Variants in FBN2 observed in about 807,000 individuals in gnomAD.
FBN2 encodes the protein fibrillin 2, also known as fibrillin-2.
In FBN2, 105 loss-of-function variants were observed where a neutral mutation model predicts 355.6. The observed-to-expected ratio is 0.30, with a 90% confidence interval of 0.25 to 0.35. The LOEUF is 0.35. Ranked by LOEUF, FBN2 falls within the 10% of genes least tolerant of loss-of-function variation. The pLI, the probability that FBN2 is intolerant of heterozygous loss-of-function variation, is 1.00. For synonymous variants in FBN2, 1,350 were observed against 1,301.2 expected (o/e 1.04, Z -0.81); for missense variants, 3,280 against 3,758.7 (o/e 0.87, Z 3.33).
At chr5:128,502,618 T>C (rs1399080928) in intron 5 of FBN2, among the ~76,000 whole-genome samples, 1 of 152,142 alleles carries the variant, frequency 6.6e-6, no homozygotes, top group Non-Finnish European at 1.5e-5. Context: ...AAAGATATCA[T>C]ACTTACTCCC....
At chr5:128,446,726 G>T in intron 6 of FBN2, 120 bp from the exon 7 acceptor site, 1 of 1,060,750 alleles carries the variant, frequency 9.4e-7, no homozygotes, top group Non-Finnish European at 1.4e-6. Flanking sequence ...TCTCAAGAGA[G>T]TGGGGTTAGA....
intron 23 of FBN2, 44 bp downstream of exon 23, chr5:128,349,303 A>G (rs1210148906): frequency 3.1e-6 from 5 of 1,612,684 alleles, no homozygotes; most frequent in East Asian, 2.2e-5. Context: ...AAGGAAATTC[A>G]TGGCTTGTTT....
chr5:128,499,406 A>G (rs1755743376), intron 5 of FBN2, among the ~76,000 whole-genome samples: 1 of 152,158 alleles, frequency 6.6e-6, no homozygotes, highest in Admixed American at 6.5e-5. Flanking sequence ...ACTTCACCTT[A>G]TAGCACAATT....
intron 48 of FBN2, among the ~76,000 whole-genome samples, chr5:128,297,553 C>A (rs536572224): frequency 6.6e-6 from 1 of 152,146 alleles, no homozygotes; most frequent in Non-Finnish European, 1.5e-5. Flanking sequence ...TAGGACAGTT[C>A]ACTCTTCTTG....
At position 128,536,485 on chromosome 5, in the gene FBN2, C is replaced by T. The variant is rs1756850281; in HGVS notation, c.255-1G>A. ...GAATCTGGAGCCGCACACGTTGGGC[C>T]TGTGATGGACAAGCGCGGTCACGTA... is the stretch of plus-strand genomic sequence containing the variant. On this transcript the variant is annotated splice_acceptor_variant, in intron 1 of 64. Transcript: ENST00000262464. LOFTEE classifies it high-confidence loss of function. 1 of 1,613,222 alleles carries T rather than the reference C, an allele frequency of 6.2e-7. No homozygotes were observed. Among genetic ancestry groups the T allele is most frequent in the African/African-American group, 1.3e-5 (1 of 74,928 alleles).
rs1021285224 is a variant in FBN2, at chr5:128,270,370, A to G, written c.7960+1629T>C. Among the ~76,000 whole-genome samples, 15 of 152,220 alleles carry G rather than the reference A, an allele frequency of 9.9e-5. No individual in the cohort carries two copies. In the East Asian group the frequency reaches 2.3e-3, roughly 24 times the overall value. The stretch of plus-strand genomic sequence containing the variant: ...TGGTGAAACCCCGTTTCTACTAAAA[A>G]TACAAAAAATGAGCCGGGCATGGTG... On this transcript the variant is annotated intron_variant, in intron 62 of 64. Coordinates refer to ENST00000262464, the MANE Select transcript of FBN2 (RefSeq NM_001999.4).
rs370804151 is a variant in FBN2, at chr5:128,286,744, C to T, written c.6986G>A (p.Arg2329Gln). The change falls in exon 55 of 65, where the codon CGA (arginine) becomes CAA (glutamine). Residue 2329 changes from arginine (R) to glutamine (Q), a missense_variant. Coordinates refer to ENST00000262464, the MANE Select transcript of FBN2 (RefSeq NM_001999.4). ...FMCICPPGMA[R>Q]RPDGEGCVDE... ...TACACAGCCTTCTCCATCGGGCCTT[C>T]GGGCCATTCCAGGAGGGCAGATGCA... The T allele has an allele frequency of 7.8e-5, 126 of 1,614,140 alleles. No homozygotes were observed. Among genetic ancestry groups the T allele is most frequent in the South Asian group, 7.8e-4 (71 of 91,084 alleles).
intron 5 of FBN2, among the ~76,000 whole-genome samples, chr5:128,513,957 G>A (rs1756204384): frequency 6.6e-6 from 1 of 151,966 alleles, no homozygotes; most frequent in African/African-American, 2.4e-5. Context: ...GCCCATTTAA[G>A]GCTAAGTTTA....
chr5:128,502,588 G>A (rs1023101734), intron 5 of FBN2, among the ~76,000 whole-genome samples: 1 of 112,036 alleles, frequency 8.9e-6, no homozygotes, highest in African/African-American at 6.2e-5. Context: ...CTATAGGTGA[G>A]GTGAAAAAAA....
chr5:128,437,642 CAAT>C (rs1460529048), intron 7 of FBN2, among the ~76,000 whole-genome samples: 3 of 151,314 alleles, frequency 2.0e-5, no homozygotes, highest in African/African-American at 4.9e-5. Context: ...GGTCATGGAT[CAAT>C]AATAATAAGA....
intron 6 of FBN2, among the ~76,000 whole-genome samples, chr5:128,455,719 C>G (rs1426504927): frequency 1.3e-5 from 2 of 151,920 alleles, no homozygotes; most frequent in Non-Finnish European, 2.9e-5. Context: ...AACCCCCTCC[C>G]CGCAGCTAAG....
intron 11 of FBN2, among the ~76,000 whole-genome samples, chr5:128,381,181 AG>A (rs1303064582): frequency 6.6e-6 from 1 of 152,134 alleles, no homozygotes; most frequent in Non-Finnish European, 1.5e-5. Flanking sequence ...TGCTAACAGC[AG>A]TTTGACTTAT....
intron 48 of FBN2, among the ~76,000 whole-genome samples, chr5:128,296,551 C>G (rs1234152816): frequency 6.6e-6 from 1 of 152,034 alleles, no homozygotes; most frequent in Non-Finnish European, 1.5e-5. Context: ...CAACTTCTTC[C>G]TGGTTTAGTC....
Position 128,338,104 on chromosome 5 carries a change from C to T in FBN2, c.3491G>A (p.Arg1164His), listed in dbSNP as rs1297011367. The T allele has an allele frequency of 1.9e-5, 30 of 1,613,874 alleles. No homozygotes were observed. The highest frequency in any genetic ancestry group is 2.2e-5 in the East Asian group (1 of 44,888). Residue 1164 changes from arginine to histidine, a missense_variant, in exon 27 of 65, where the codon CGT (arginine) becomes CAT (histidine). Arg to His is a conservative substitution (Grantham distance 29). Around this residue, in one of 6 missense-constraint regions of FBN2, gnomAD observed 2,284 missense variants for 2,749.5 expected, o/e 0.83. Coordinates refer to ENST00000262464, the MANE Select transcript of FBN2 (RefSeq NM_001999.4). ...GCCACCCCTACAAAGGAGAGGGTTA[C>T]GTTCACATTCGTCAATGTCTGAAAG... The part of the protein sequence containing the change: ...KNCMDIDECE[R>H]NPLLCRGGTC...
chr5:128,372,813 G>C (rs1019400038), intron 15 of FBN2, among the ~76,000 whole-genome samples: 33 of 152,066 alleles, frequency 2.2e-4, no homozygotes, highest in African/African-American at 8.0e-4. Flanking sequence ...TTTTTGCAGA[G>C]ATAGGGTTTT....
At chr5:128,352,677 C>T (rs1751399633) in intron 20 of FBN2, among the ~76,000 whole-genome samples, 1 of 152,090 alleles carries the variant, frequency 6.6e-6, no homozygotes, top group Non-Finnish European at 1.5e-5. Context: ...TGTTAAAATG[C>T]CGATTCATAA....
intron 48 of FBN2, among the ~76,000 whole-genome samples, chr5:128,295,773 C>T (rs557698180): frequency 2.2e-5 from 3 of 134,774 alleles, no homozygotes; most frequent in Admixed American, 7.5e-5. Context: ...ACAATCATGT[C>T]GTCTGCAAAC....
At chr5:128,352,183 T>G (rs1006625614) in intron 20 of FBN2, among the ~76,000 whole-genome samples, 4 of 151,846 alleles carry the variant, frequency 2.6e-5, no homozygotes, top group South Asian at 4.1e-4. Context: ...GGCTAATATC[T>G]GATGTATTTT....
intron 2 of FBN2, among the ~76,000 whole-genome samples, chr5:128,531,224 C>T (rs953313954): frequency 2.6e-5 from 4 of 151,862 alleles, no homozygotes; most frequent in Middle Eastern, 3.4e-3. Flanking sequence ...GAATACTATG[C>T]GGCCATAAAA....
Sources: allele counts gnomAD v4.1 joint callset (sites outside exome capture counted in the v4.1 genomes callset), GRCh38; gene constraint gnomAD v4.1.1; regional missense constraint gnomAD v4.1.1; transcripts MANE v1.5; gene names NCBI Gene and HGNC (gene_info 2026-07-23, HGNC 2026-07-21).